Variants in HUNK observed in about 807,000 individuals in gnomAD.
HUNK encodes hormonally up-regulated neu tumor-associated kinase.
HUNK carries 21 observed loss-of-function variants against 61.0 expected under a neutral mutation model. That is an observed-to-expected ratio of 0.34 (90% confidence interval 0.24 to 0.50). The LOEUF (loss-of-function observed/expected upper bound fraction) is 0.50, where lower values mean the gene tolerates loss of function less well. Ranked by LOEUF, HUNK falls within the 20% of genes least tolerant of loss-of-function variation. HUNK has a pLI of 0.98. For missense variants in HUNK, 772 were observed against 945.7 expected (o/e 0.82, Z 2.41); for synonymous variants, 371 against 386.1 (o/e 0.96, Z 0.46).
chr21:31,936,205 ATTGAAACTG>A (rs2052732665), intron 2 of HUNK, among the ~76,000 whole-genome samples: 1 of 152,222 alleles, frequency 6.6e-6, no homozygotes, highest in African/African-American at 2.4e-5. Context: ...GGAAAGAATG[ATTGAAACTG>A]CTATAAACAT....
intron 3 of HUNK, 42 bp downstream of exon 3, chr21:31,940,262 T>C (rs1242820721): frequency 2.3e-6 from 3 of 1,283,276 alleles, no homozygotes; most frequent in Non-Finnish European, 2.2e-6. Flanking sequence ...ATCTTTTAAG[T>C]GTTGTGTTGT....
chr21:31,916,771 G>A (rs562022736), intron 1 of HUNK, among the ~76,000 whole-genome samples: 33 of 151,890 alleles, frequency 2.2e-4, no homozygotes, highest in African/African-American at 8.0e-4. Context: ...CTGCCTCCCA[G>A]GTTCAAGTGA....
intron 1 of HUNK, among the ~76,000 whole-genome samples, chr21:31,921,221 G>A (rs1348573543): frequency 2.0e-5 from 3 of 148,826 alleles, no homozygotes; most frequent in Admixed American, 2.0e-4. Flanking sequence ...AATACATTAT[G>A]CTGTTTATAG....
chr21:31,905,588 T>C (rs2052499561), intron 1 of HUNK, among the ~76,000 whole-genome samples: 2 of 152,202 alleles, frequency 1.3e-5, no homozygotes, highest in Admixed American at 1.3e-4. Flanking sequence ...TATGGATTCC[T>C]GGCCCTTCCT....
intron 1 of HUNK, among the ~76,000 whole-genome samples, chr21:31,909,939 G>A (rs2123805068): frequency 6.7e-6 from 1 of 148,882 alleles, no homozygotes; most frequent in African/African-American, 2.5e-5. Context: ...TCAGGCTTGG[G>A]CTGGAGCCGG....
Position 31,999,344 on chromosome 21 carries a change from T to G in HUNK, c.*160T>G. The G allele has an allele frequency of 1.6e-6, 1 of 613,220 alleles. No individual in the cohort carries two copies. The highest frequency in any genetic ancestry group is 2.8e-6 in the Non-Finnish European group (1 of 361,000). 38.0% of individuals were successfully genotyped at this position (613,220 alleles called of 1,614,324 possible). On this transcript the variant is annotated 3_prime_UTR_variant, in exon 11 of 11. Transcript: ENST00000270112. The stretch of plus-strand genomic sequence containing the variant: ...CAAAGCCTGCACAACCCAACCTCGC[T>G]TAGGGACCCCCAGAGATGCTGGAAT...
intron 1 of HUNK, among the ~76,000 whole-genome samples, chr21:31,881,180 A>G (rs1311754082): frequency 6.6e-6 from 1 of 152,204 alleles, no homozygotes; most frequent in Admixed American, 6.5e-5. Flanking sequence ...CTGTTTACTG[A>G]AAGAGACAGG....
chr21:31,920,380 T>C (rs1284698793), intron 1 of HUNK, among the ~76,000 whole-genome samples: 1 of 152,240 alleles, frequency 6.6e-6, no homozygotes, highest in African/African-American at 2.4e-5. Context: ...CAATAAGGTA[T>C]CTTAACTATA....
intron 3 of HUNK, among the ~76,000 whole-genome samples, chr21:31,941,947 G>T (rs910933634): frequency 5.3e-5 from 8 of 152,202 alleles, no homozygotes; most frequent in Non-Finnish European, 8.8e-5. Flanking sequence ...AGGTGCAGTG[G>T]CTCACACCTG....
chr21:31,997,522 T>C (rs890813683), intron 10 of HUNK, among the ~76,000 whole-genome samples: 1 of 152,162 alleles, frequency 6.6e-6, no homozygotes, highest in Non-Finnish European at 1.5e-5. Context: ...TTATATGAGG[T>C]CCCTAGAGTG....
intron 1 of HUNK, among the ~76,000 whole-genome samples, chr21:31,878,474 C>G (rs528897426): frequency 6.6e-6 from 1 of 152,016 alleles, no homozygotes; most frequent in East Asian, 1.9e-4. Flanking sequence ...GTGGCTCATG[C>G]CTGTAATCCC....
At chr21:31,906,313 A>G (rs1233185198) in intron 1 of HUNK, among the ~76,000 whole-genome samples, 1 of 152,190 alleles carries the variant, frequency 6.6e-6, no homozygotes, top group Non-Finnish European at 1.5e-5. Flanking sequence ...TGGGTTCCAA[A>G]AGGCATGATT....
intron 4 of HUNK, among the ~76,000 whole-genome samples, chr21:31,957,527 C>G (rs539009585): frequency 1.6e-4 from 24 of 152,292 alleles, no homozygotes; most frequent in Admixed American, 3.9e-4. Flanking sequence ...TTCAATCAGT[C>G]TCATTGGATT....
chr21:31,995,158 C>CAAAA (rs34858300), intron 9 of HUNK, among the ~76,000 whole-genome samples: 7 of 73,886 alleles, frequency 9.5e-5, no homozygotes, highest in African/African-American at 2.3e-4. Flanking sequence ...GACCCTGCCT[C>CAAAA]AAAAAAAAAA....
chr21:31,938,122 C>G (rs1181854198), intron 2 of HUNK, among the ~76,000 whole-genome samples: 1 of 152,150 alleles, frequency 6.6e-6, no homozygotes, highest in Non-Finnish European at 1.5e-5. Context: ...CTGCATTTGA[C>G]TCCTTAATTC....
chr21:31,969,368 A>G (rs963640281), intron 6 of HUNK, among the ~76,000 whole-genome samples: 2 of 152,164 alleles, frequency 1.3e-5, no homozygotes, highest in Non-Finnish European at 1.5e-5. Flanking sequence ...AAGGAAAGGC[A>G]TAGGAGTCAT....
intron 2 of HUNK, among the ~76,000 whole-genome samples, chr21:31,930,511 C>T (rs2052689142): frequency 6.6e-6 from 1 of 152,236 alleles, no homozygotes; most frequent in Admixed American, 6.5e-5. Context: ...CTCACCTTCT[C>T]TGGGAAGCCC....
chr21:31,989,200 CT>C (rs993712303), intron 8 of HUNK, among the ~76,000 whole-genome samples: 1 of 152,142 alleles, frequency 6.6e-6, no homozygotes, highest in African/African-American at 2.4e-5. Context: ...ACTTGATTAC[CT>C]CTGTAAAGAT....
intron 4 of HUNK, among the ~76,000 whole-genome samples, chr21:31,953,823 C>T (rs1358030112): frequency 2.0e-5 from 3 of 151,914 alleles, no homozygotes; most frequent in Non-Finnish European, 2.9e-5. Flanking sequence ...ATAAATTCCT[C>T]CAAAAGAAAT....
Sources: gnomAD v4.1 joint callset for allele counts (sites outside exome capture counted in the v4.1 genomes callset) on GRCh38, gnomAD v4.1.1 for gene constraint, MANE v1.5 for transcripts, NCBI Gene and HGNC (gene_info 2026-07-23, HGNC 2026-07-21) for gene names.